Variants in DNAH9 observed in about 807,000 individuals in gnomAD.
The protein encoded by DNAH9 is DNAH9 variant protein.
A neutral mutation model predicts 471.6 loss-of-function variants in DNAH9; 345 were observed. That is an observed-to-expected ratio of 0.73 (90% CI 0.67 to 0.80). The LOEUF is 0.80. DNAH9 is among the 30% of genes least tolerant of loss of function. The pLI, the probability that DNAH9 is intolerant of heterozygous loss-of-function variation, is 0.00. For synonymous variants in DNAH9, 2,093 were observed against 2,123.6 expected (o/e 0.99, Z 0.40); for missense variants, 5,407 against 5,609.2 (o/e 0.96, Z 1.15).
chr17:11,918,254 C>A (rs1974022269), intron 61 of DNAH9, among the ~76,000 whole-genome samples: 1 of 132,500 alleles, frequency 7.5e-6, no homozygotes, highest in South Asian at 2.4e-4. Context: ...TGTTTTGAGA[C>A]AGGCTCTCAC....
Position 11,859,084 on chromosome 17 carries a change from C to CAAAA in DNAH9, c.9933+4674_9933+4677dup, listed in dbSNP as rs56040033. Among the ~76,000 whole-genome samples the CAAAA allele has an allele frequency of 1.6e-3, 105 of 63,944 alleles. 1 individual carries two copies. The highest frequency in any genetic ancestry group is 2.2e-3 in the Non-Finnish European group (77 of 35,692). The allele number at this position is 63,944 out of a possible 152,430, so 41.9% of individuals were successfully genotyped here. A position where few individuals can be genotyped will look rare whatever the true frequency, so the allele number is the denominator to read the frequency against. ...GGGCAGCAAGAGGGAAACCCCGTCT[C>CAAAA]AAAAAAAAAAAAAAAAAAAAAGAGT... On this transcript the variant is annotated intron_variant, in intron 50 of 68. Coordinates refer to ENST00000262442, the MANE Select transcript of DNAH9 (RefSeq NM_001372.4).
chr17:11,834,921 C>T (rs1025142213), intron 49 of DNAH9, 23 bp downstream of exon 49: 17 of 1,607,306 alleles, frequency 1.1e-5, no homozygotes, highest in Middle Eastern at 2.1e-4. Flanking sequence ...TCTGCCATAC[C>T]TGCTCATCCC....
chr17:11,925,183 C>T lies in DNAH9; in HGVS notation c.11877+1242C>T, dbSNP rs771422459. On this transcript the variant is annotated intron_variant, in intron 62 of 68. Transcript: ENST00000262442. ...AGGTAAAGAGATGTTCCTTCTTTAC[C>T]TTTTATCACCCAGCCCACTGCCTTG... 19 of 455,196 alleles carry T rather than the reference C, an allele frequency of 4.2e-5. 1 individual carries two copies. The Admixed American group carries it at 4.2e-4, about 10-fold the overall frequency. The allele number at this position is 455,196 out of a possible 1,614,324, so 28.2% of individuals were successfully genotyped here.
rs147457132 is a variant in DNAH9 at position 11,872,898 on chromosome 17, C to T, written c.10242+1112C>T. Among the ~76,000 whole-genome samples the T allele has an allele frequency of 4.0e-3, 615 of 152,296 alleles. 4 individuals are homozygous for T. The highest frequency in any genetic ancestry group is 0.013 in the African/African-American group (558 of 41,560). On this transcript the variant is annotated intron_variant, in intron 52 of 68. Transcript: ENST00000262442. ...TAGCACCACTGCACTCCAGCCTGGG[C>T]GACAGAGCGAGACTCCGTCTCAAAA...
chr17:11,637,152 A>G (rs140721741), intron 9 of DNAH9, among the ~76,000 whole-genome samples: 56 of 152,310 alleles, frequency 3.7e-4, no homozygotes, highest in Middle Eastern at 3.4e-3. Flanking sequence ...AAAGTTTCTT[A>G]TGCCTTCCAA....
At chr17:11,762,760 T>TTTTTTTTTG (rs1967738953) in intron 35 of DNAH9, among the ~76,000 whole-genome samples, 1 of 103,998 alleles carries the variant, frequency 9.6e-6, no homozygotes, top group Admixed American at 1.1e-4. Context: ...TTAGGTGCGT[T>TTTTTTTTTG]TTTTTTTTTG....
Position 11,747,725 on chromosome 17 carries a change from T to A in DNAH9, c.6569T>A (p.Leu2190His), listed in dbSNP as rs1966952271. The A allele has an allele frequency of 6.2e-7, 1 of 1,613,884 alleles. No homozygotes were observed. The highest frequency in any genetic ancestry group is 8.5e-7 in the Non-Finnish European group (1 of 1,179,946). The change falls in exon 32 of 69, where the codon CTC becomes CAC. Residue 2190 changes from leucine (L) to histidine (H), a missense_variant. Physicochemically the swap from Leu to His is moderately conservative, Grantham distance 99. Coordinates refer to ENST00000262442, the MANE Select transcript of DNAH9 (RefSeq NM_001372.4). The stretch of plus-strand genomic sequence containing the variant: ...CCCAAAGCAGTCACAAATGATGAGC[T>A]CTTTGGCATCATCAATCCAGCCACA... ...LNPKAVTNDELFGIINPATGE... is the reference protein window; with the variant it reads ...LNPKAVTNDEHFGIINPATGE...
intron 17 of DNAH9, among the ~76,000 whole-genome samples, chr17:11,679,181 G>C (rs1332997252): frequency 6.6e-6 from 1 of 152,128 alleles, no homozygotes; most frequent in Non-Finnish European, 1.5e-5. Flanking sequence ...ACTTAAAAAT[G>C]TTTGTTTCTT....
intron 68 of DNAH9, among the ~76,000 whole-genome samples, chr17:11,963,279 A>G (rs1976390462): frequency 6.6e-6 from 1 of 152,094 alleles, no homozygotes; most frequent in African/African-American, 2.4e-5. Context: ...TACTAAAAAT[A>G]CAAAATTAGC....
intron 42 of DNAH9, among the ~76,000 whole-genome samples, chr17:11,794,531 G>A (rs207476293): frequency 6.6e-6 from 1 of 152,084 alleles, no homozygotes; most frequent in African/African-American, 2.4e-5. Flanking sequence ...TTCTCCAGGC[G>A]AAATAGCCTG....
At chr17:11,860,248 T>C (rs990797015) in intron 50 of DNAH9, among the ~76,000 whole-genome samples, 5 of 152,216 alleles carry the variant, frequency 3.3e-5, no homozygotes, top group Non-Finnish European at 7.3e-5. Flanking sequence ...TTATTGTCTC[T>C]TTCTCTTGCA....
chr17:11,961,561 G>A (rs567847779), intron 67 of DNAH9, among the ~76,000 whole-genome samples: 1 of 152,290 alleles, frequency 6.6e-6, no homozygotes, highest in Admixed American at 6.5e-5. Flanking sequence ...CCCACAAGTG[G>A]TTTAAGGTCT....
intron 62 of DNAH9, among the ~76,000 whole-genome samples, chr17:11,927,923 A>G (rs1974384393): frequency 6.6e-6 from 1 of 152,138 alleles, no homozygotes; most frequent in African/African-American, 2.4e-5. Flanking sequence ...CAAATTACCC[A>G]CATGTAGGTT....
intron 43 of DNAH9, among the ~76,000 whole-genome samples, chr17:11,799,406 G>A (rs548482592): frequency 1.3e-5 from 2 of 151,184 alleles, no homozygotes; most frequent in Admixed American, 6.6e-5. Flanking sequence ...TCACTCTGTC[G>A]CCCAAGCTGG....
chr17:11,634,660 C>T (rs2073127566), intron 8 of DNAH9, among the ~76,000 whole-genome samples: 1 of 152,180 alleles, frequency 6.6e-6, no homozygotes, highest in Non-Finnish European at 1.5e-5. Flanking sequence ...AAGTGTGACC[C>T]TAGATCCTCC....
At chr17:11,883,866 T>C in intron 56 of DNAH9, 116 bp downstream of exon 56, 2 of 1,172,180 alleles carry the variant, frequency 1.7e-6, no homozygotes, top group Non-Finnish European at 2.4e-6. Context: ...AACACATGGC[T>C]TTTCTGTCTT....
At chr17:11,869,546 C>T (rs9916249) in intron 51 of DNAH9, among the ~76,000 whole-genome samples, 4,337 of 152,248 alleles carry the variant, frequency 0.028, 197 homozygotes, top group African/African-American at 0.098. Flanking sequence ...CCAGAGGAAA[C>T]ATTACAAGAC....
rs1163731446 is a variant in DNAH9, at chr17:11,707,992, CACACACACACACACACACACACAGAGAG to C, written c.5552+2809_5552+2836del. 4.8e-3 allele frequency among the ~76,000 whole-genome samples: 363 copies of C among 76,094 alleles called. 1 individual carries two copies. The highest frequency in any genetic ancestry group is 0.038 in the East Asian group (66 of 1,748). 49.9% of individuals were successfully genotyped at this position (76,094 alleles called of 152,430 possible). A position where few individuals can be genotyped will look rare whatever the true frequency, so the allele number is the denominator to read the frequency against. On this transcript the variant is annotated intron_variant, in intron 26 of 68. Coordinates refer to ENST00000262442, the MANE Select transcript of DNAH9 (RefSeq NM_001372.4). ...ACACACACACACACACACACACACA[CACACACACACACACACACACACAGAGAG>C]AGAGAGAGAGAGAGAGAGAGAGAGA...
chr17:11,698,180 T>TATTAATATA (rs1567728544), intron 22 of DNAH9, among the ~76,000 whole-genome samples: 26 of 6,572 alleles, frequency 4.0e-3, no homozygotes, highest in African/African-American at 8.0e-3. Flanking sequence ...ATTAATATAT[T>TATTAATATA]ATTATATTAA....
Sources: gnomAD v4.1 joint callset for allele counts (sites outside exome capture counted in the v4.1 genomes callset) on GRCh38, gnomAD v4.1.1 for gene constraint, MANE v1.5 for transcripts, NCBI Gene and HGNC (gene_info 2026-07-23, HGNC 2026-07-21) for gene names.